NRXN1: variants seen among roughly 807,000 people sequenced by gnomAD.
The protein encoded by NRXN1 is neurexin-1.
In NRXN1, 39 loss-of-function variants were observed where a neutral mutation model predicts 150.9. That is an observed-to-expected ratio of 0.26 (90% CI 0.20 to 0.34). The LOEUF is 0.34. Among genes scored for constraint, NRXN1 ranks in the 10% least tolerant of loss-of-function variants. The pLI is 1.00. For synonymous variants in NRXN1, 924 were observed against 757.0 expected (o/e 1.22, Z -3.62); for missense variants, 1,815 against 1,949.9 (o/e 0.93, Z 1.30).
intron 15 of NRXN1, among the ~76,000 whole-genome samples, chr2:50,478,765 G>C (rs993515892): frequency 6.6e-6 from 1 of 152,124 alleles, no homozygotes; most frequent in Non-Finnish European, 1.5e-5. Flanking sequence ...TTGTGTAACA[G>C]CCACATATCT....
intron 5 of NRXN1, among the ~76,000 whole-genome samples, chr2:50,836,556 T>A (rs1672130093): frequency 6.6e-6 from 1 of 152,136 alleles, no homozygotes; most frequent in African/African-American, 2.4e-5. Context: ...CACCCGTAAG[T>A]GAGATCATGC....
intron 22 of NRXN1, among the ~76,000 whole-genome samples, chr2:49,931,493 C>A (rs917725887): frequency 5.3e-5 from 8 of 151,986 alleles, no homozygotes; most frequent in Admixed American, 1.3e-4. Flanking sequence ...CACAGTACTG[C>A]AAATAGTTGA....
intron 8 of NRXN1, 34 bp downstream of exon 8, chr2:50,619,988 A>C: frequency 1.3e-6 from 2 of 1,523,914 alleles, no homozygotes; most frequent in Non-Finnish European, 1.8e-6. Flanking sequence ...TGAGACCATG[A>C]ATTAGGAATG....
chr2:50,347,935 T>G lies in NRXN1; in HGVS notation c.3365-110965A>C, dbSNP rs572702833. 1 of 680,092 alleles carries G rather than the reference T, an allele frequency of 1.5e-6. No individual in the cohort carries two copies. The highest frequency in any genetic ancestry group is 1.8e-6 in the Non-Finnish European group (1 of 551,496). The allele number at this position is 680,092 out of a possible 1,614,324, so 42.1% of individuals were successfully genotyped here. On this transcript the variant is annotated intron_variant, in intron 17 of 22. Transcript: ENST00000401669. The surrounding 1 kb of genome is among the most constrained non-coding windows in gnomAD (Gnocchi z 4.9). ...GCCTCTCCCTTGCATTCTCCACGCA[T>G]CAAAGGGACACGTGTAAGGCGAAAC...
intron 18 of NRXN1, among the ~76,000 whole-genome samples, chr2:50,202,233 G>A (rs1196060444): frequency 5.3e-5 from 8 of 152,200 alleles, no homozygotes; most frequent in Admixed American, 1.3e-4. Context: ...GGGGCTGGGC[G>A]CGGTGGCTCA....
intron 8 of NRXN1, among the ~76,000 whole-genome samples, chr2:50,553,839 C>T (rs1424988763): frequency 6.6e-6 from 1 of 152,178 alleles, no homozygotes; most frequent in East Asian, 1.9e-4. Context: ...GGTCCTAAGG[C>T]TTTTTGGATT....
intron 17 of NRXN1, among the ~76,000 whole-genome samples, chr2:50,251,570 T>C (rs1238410575): frequency 6.6e-6 from 1 of 152,156 alleles, no homozygotes; most frequent in Non-Finnish European, 1.5e-5. Flanking sequence ...CTGGGTCAAA[T>C]GGTATTTCTG....
At chr2:50,535,775 G>A (rs2093241469) in intron 10 of NRXN1, among the ~76,000 whole-genome samples, 1 of 152,032 alleles carries the variant, frequency 6.6e-6, no homozygotes. Context: ...AAACTCCTTT[G>A]CTTCCTTAGG....
intron 15 of NRXN1, among the ~76,000 whole-genome samples, chr2:50,479,153 A>C (rs1399797832): frequency 6.6e-6 from 1 of 152,232 alleles, no homozygotes; most frequent in Non-Finnish European, 1.5e-5. Context: ...ACTATCTTTC[A>C]AAAATAACTT....
chr2:50,367,954 GC>G (rs1306938011), intron 17 of NRXN1, among the ~76,000 whole-genome samples: 1 of 151,956 alleles, frequency 6.6e-6, no homozygotes, highest in Admixed American at 6.6e-5. Context: ...AGTTTCAACT[GC>G]CCTAATTCTT....
intron 2 of NRXN1, among the ~76,000 whole-genome samples, chr2:50,933,597 T>C (rs1688095272): frequency 6.6e-6 from 1 of 152,130 alleles, no homozygotes; most frequent in South Asian, 2.1e-4. Context: ...ATTATATATG[T>C]AGTTATTTGA....
intron 17 of NRXN1, among the ~76,000 whole-genome samples, chr2:50,327,716 C>T (rs1454376096): frequency 6.6e-6 from 1 of 150,752 alleles, no homozygotes; most frequent in Non-Finnish European, 1.5e-5. Context: ...GTGGAAAAAT[C>T]TCAGCTCACT....
At chr2:50,722,567 A>T (rs923672727) in intron 5 of NRXN1, among the ~76,000 whole-genome samples, 1 of 152,198 alleles carries the variant, frequency 6.6e-6, no homozygotes, top group African/African-American at 2.4e-5. Flanking sequence ...TTAAAAATAT[A>T]TTGGAAGAGT....
chr2:51,024,000 C>T (rs972843793), intron 2 of NRXN1, among the ~76,000 whole-genome samples: 8 of 152,164 alleles, frequency 5.3e-5, no homozygotes. Context: ...ATACATGACT[C>T]TAAAATGCAC....
intron 5 of NRXN1, among the ~76,000 whole-genome samples, chr2:50,662,312 C>G (rs1429888877): frequency 1.3e-5 from 2 of 152,008 alleles, no homozygotes; most frequent in Non-Finnish European, 2.9e-5. Flanking sequence ...AAATGGACAT[C>G]TTGCTCAACA....
At chr2:50,907,429 A>T (rs980941074) in intron 5 of NRXN1, among the ~76,000 whole-genome samples, 1 of 152,210 alleles carries the variant, frequency 6.6e-6, no homozygotes, top group East Asian at 1.9e-4. Context: ...TCTGTCCTTC[A>T]TTACAGCAGT....
At chr2:50,727,177 T>C (rs1374458739) in intron 5 of NRXN1, among the ~76,000 whole-genome samples, 1 of 152,180 alleles carries the variant, frequency 6.6e-6, no homozygotes, top group Non-Finnish European at 1.5e-5. Context: ...AAAACCCTTA[T>C]ACTTAAAGAG....
At position 50,767,181 on chromosome 2, in the gene NRXN1, T is replaced by C. The variant is rs1559232330; in HGVS notation, c.833-143566A>G. Among the ~76,000 whole-genome samples the C allele has an allele frequency of 2.6e-5, 4 of 152,208 alleles. No homozygotes were observed. The South Asian group carries it at 8.3e-4, about 32-fold the overall frequency. ...ATACCCATGGGGAAAATTGTGGACA[T>C]TCTTGGAGTATATGCCTTAAATACC... On this transcript the variant is annotated intron_variant, in intron 5 of 22. Coordinates refer to ENST00000401669, the MANE Select transcript of NRXN1 (RefSeq NM_001330078.2).
chr2:50,673,032 T>C (rs1462327443), intron 5 of NRXN1, among the ~76,000 whole-genome samples: 1 of 152,060 alleles, frequency 6.6e-6, no homozygotes, highest in African/African-American at 2.4e-5. Flanking sequence ...CCTGAACATA[T>C]CTGCATATAT....
Sources: gnomAD v4.1 joint callset for allele counts (sites outside exome capture counted in the v4.1 genomes callset) on GRCh38, gnomAD v4.1.1 for gene constraint, Gnocchi (gnomAD v3.1) non-coding constraint, MANE v1.5 for transcripts, NCBI Gene and HGNC (gene_info 2026-07-23, HGNC 2026-07-21) for gene names.